ABL1: variants seen among roughly 807,000 people sequenced by gnomAD.
ABL1 encodes the protein ABL proto-oncogene 1, non-receptor tyrosine kinase.
Under a neutral mutation model 94.7 loss-of-function variants are expected in ABL1, and 11 were observed. The ratio of observed to expected loss-of-function variants is 0.12; its 90% CI spans 0.07 to 0.19. The LOEUF (loss-of-function observed/expected upper bound fraction) is 0.19. Among genes scored for constraint, ABL1 ranks in the 10% least tolerant of loss-of-function variants. The pLI, the probability that ABL1 is intolerant of heterozygous loss-of-function variation, is 1.00. For missense variants in ABL1, 1,082 were observed against 1,489.4 expected (o/e 0.73, Z 4.50); for synonymous variants, 656 against 622.4 (o/e 1.05, Z -0.80).
intron 1 of ABL1, among the ~76,000 whole-genome samples, chr9:130,811,911 CAAAAAAA>C (rs1203330162): frequency 5.9e-4 from 11 of 18,558 alleles, no homozygotes; most frequent in East Asian, 1.8e-3. Context: ...GACTCCGTCT[CAAAAAAA>C]AAAAAAAAAA....
intron 1 of ABL1, among the ~76,000 whole-genome samples, chr9:130,838,986 T>C (rs1409961876): frequency 6.6e-6 from 1 of 152,162 alleles, no homozygotes; most frequent in African/African-American, 2.4e-5. Context: ...CACAGCTCAC[T>C]GCAGCCTTGA....
At position 130,735,961 on chromosome 9, in the gene ABL1, A is replaced by ATATTTTTTTT. The variant is rs573602038; in HGVS notation, c.136+21507_136+21508insATTTTTTTTT. Among the ~76,000 whole-genome samples, 122 of 94,838 alleles carry ATATTTTTTTT rather than the reference A, an allele frequency of 1.3e-3. 2 individuals are homozygous for ATATTTTTTTT. In the East Asian group the frequency reaches 0.019, roughly 15 times the overall value. The allele number at this position is 94,838 out of a possible 152,430, so 62.2% of individuals were successfully genotyped here. A position where few individuals can be genotyped will look rare whatever the true frequency, so the allele number is the denominator to read the frequency against. ...TATATATATATATATATATATATATATTTTTTTTTTTTAAGACAGGGTCTG... is the reference window on the plus strand; with the variant it reads ...TATATATATATATATATATATATATATATTTTTTTTTTTTTTTTTTTTAAGACAGGGTCTG... On this transcript the variant is annotated intron_variant, in intron 1 of 10. Coordinates refer to the ABL1 transcript ENST00000372348.
rs367902942 is a variant in ABL1, at chr9:130,768,131, C to G, written c.136+53676C>G. Among the ~76,000 whole-genome samples the G allele has an allele frequency of 3.6e-4, 55 of 152,278 alleles. 1 individual carries two copies. Among genetic ancestry groups the G allele is most frequent in the African/African-American group, 1.3e-3 (54 of 41,568 alleles). On this transcript the variant is annotated intron_variant, in intron 1 of 10. Transcript: ENST00000372348. ...CAGCATCACCCAGATGGGAGAGCCC[C>G]CTTCCCCCCAACCCCCATACACTCC...
At chr9:130,865,798 T>C (rs1250019744) in intron 4 of ABL1, among the ~76,000 whole-genome samples, 1 of 149,136 alleles carries the variant, frequency 6.7e-6, no homozygotes, top group Non-Finnish European at 1.5e-5. Flanking sequence ...TTCTAAATCA[T>C]GGCAGTGGCT....
At chr9:130,714,411 C>T in exon 1 of ABL1, 1 of 1,614,112 alleles carries the variant, frequency 6.2e-7, no homozygotes, top group East Asian at 2.2e-5. Flanking sequence ...AAGAAGGAAT[C>T]ATCGAGGCAT....
At chr9:130,845,982 C>A (rs1319795029) in intron 1 of ABL1, among the ~76,000 whole-genome samples, 3 of 152,154 alleles carry the variant, frequency 2.0e-5, no homozygotes, top group African/African-American at 7.2e-5. Context: ...TTCTTTACGT[C>A]TTTCCCCCAC....
chr9:130,732,967 A>G (rs1554757641), intron 1 of ABL1, among the ~76,000 whole-genome samples: 1 of 152,192 alleles, frequency 6.6e-6, no homozygotes, highest in Non-Finnish European at 1.5e-5. Context: ...ATTCCTTCAG[A>G]TTTCATTCTT....
intron 6 of ABL1, 99 bp downstream of exon 6, chr9:130,873,136 G>A (rs917366016): frequency 1.6e-6 from 2 of 1,256,572 alleles, no homozygotes; most frequent in Non-Finnish European, 2.2e-6. Context: ...TCAGGGCGCA[G>A]CTTCTAACCT....
intron 1 of ABL1, among the ~76,000 whole-genome samples, chr9:130,760,969 A>G (rs1405363410): frequency 5.7e-5 from 5 of 87,790 alleles, no homozygotes; most frequent in Non-Finnish European, 7.9e-5. Context: ...TTTTTTTGAG[A>G]CGGAGTCTCG....
At chr9:130,854,768 C>G (rs1223944807) in intron 2 of ABL1, 33 bp from the exon 3 acceptor site, 1 of 1,582,404 alleles carries the variant, frequency 6.3e-7, no homozygotes, top group East Asian at 2.3e-5. Context: ...GTTTCCAAAG[C>G]TGATATGTCT....
At chr9:130,829,564 C>CAAAAAAAAAA (rs1167581144) in intron 1 of ABL1, among the ~76,000 whole-genome samples, 1 of 68,708 alleles carries the variant, frequency 1.5e-5, no homozygotes, top group African/African-American at 4.9e-5. Context: ...GACTACGTCT[C>CAAAAAAAAAA]AAAAAAAAAA....
chr9:130,783,557 C>G (rs1829784548), intron 1 of ABL1, among the ~76,000 whole-genome samples: 1 of 152,232 alleles, frequency 6.6e-6, no homozygotes. Flanking sequence ...AATGTAAGGT[C>G]TCCCCTCAAA....
chr9:130,809,157 GC>G (rs1265845322), intron 1 of ABL1, among the ~76,000 whole-genome samples: 2 of 152,164 alleles, frequency 1.3e-5, no homozygotes, highest in African/African-American at 4.8e-5. Context: ...GCCTGCAGAT[GC>G]CCAGGGAGCC....
At position 130,885,079 on chromosome 9, in the gene ABL1, C is replaced by A. The variant is rs1248977210; in HGVS notation, c.2789C>A (p.Ala930Glu). The change falls in exon 11 of 11, where the codon GCA becomes GAA. Residue 930 changes from alanine to glutamate, a missense_variant. Physicochemically the swap from Ala to Glu is moderately radical, Grantham distance 107. Transcript: ENST00000318560. ...GCGGCCGGGGAGGCAGTCCTGGGCGCAAAGACAAAAGCCACGAGTCTGGTT... is the reference window on the plus strand; with the variant it reads ...GCGGCCGGGGAGGCAGTCCTGGGCGAAAAGACAAAAGCCACGAGTCTGGTT... Reference protein sequence around the residue: ...QEAAGEAVLGAKTKATSLVDA... With the variant: ...QEAAGEAVLGEKTKATSLVDA... 6.2e-7 allele frequency: 1 copy of A among 1,609,850 alleles called. No individual in the cohort carries two copies. The highest frequency in any genetic ancestry group is 1.7e-5 in the Admixed American group (1 of 59,738).
intron 1 of ABL1, among the ~76,000 whole-genome samples, chr9:130,816,556 C>A (rs1309035897): frequency 1.3e-5 from 2 of 150,680 alleles, no homozygotes; most frequent in Non-Finnish European, 3.0e-5. Context: ...GAGACAGAAT[C>A]TTGCTCTGTC....
chr9:130,874,705 A>G (rs772276131), intron 6 of ABL1, among the ~76,000 whole-genome samples, 163 bp from the exon 7 acceptor site: 2 of 152,170 alleles, frequency 1.3e-5, no homozygotes, highest in Non-Finnish European at 2.9e-5. Context: ...GTGTTTGCTG[A>G]GAGGCTGGCA....
chr9:130,726,893 G>A (rs754285188), intron 1 of ABL1, among the ~76,000 whole-genome samples: 12 of 152,140 alleles, frequency 7.9e-5, no homozygotes, highest in South Asian at 2.1e-4. Flanking sequence ...TAAACACTGC[G>A]TTAGCTCTAT....
chr9:130,760,979 GCT>G, intron 1 of ABL1, among the ~76,000 whole-genome samples: 1 of 97,806 alleles, frequency 1.0e-5, no homozygotes, highest in Non-Finnish European at 1.8e-5. Flanking sequence ...ACGGAGTCTC[GCT>G]CTTTCGCCCA....
At chr9:130,754,221 AAGAG>A (rs1446956571) in intron 1 of ABL1, among the ~76,000 whole-genome samples, 27 of 136,136 alleles carry the variant, frequency 2.0e-4, no homozygotes, top group East Asian at 1.6e-3. Context: ...AAAAAAAAAA[AAGAG>A]AGACCAGGCG....
Sources: allele counts gnomAD v4.1 joint callset (sites outside exome capture counted in the v4.1 genomes callset), GRCh38; gene constraint gnomAD v4.1.1; transcripts MANE v1.5; gene names NCBI Gene and HGNC (gene_info 2026-07-23, HGNC 2026-07-21).